TGFBR3: variants seen among roughly 807,000 people sequenced by gnomAD.
TGFBR3 encodes transforming growth factor beta receptor type 3.
Under a neutral mutation model 87.9 loss-of-function variants are expected in TGFBR3, and 46 were observed. That is an observed-to-expected ratio of 0.52 (90% CI 0.41 to 0.67). The LOEUF (loss-of-function observed/expected upper bound fraction) is 0.67. TGFBR3 is among the 30% of genes least tolerant of loss of function. The pLI is 0.00. For synonymous variants in TGFBR3, 381 were observed against 391.6 expected (o/e 0.97, Z 0.32); for missense variants, 866 against 1,041.9 (o/e 0.83, Z 2.32).
chr1:91,697,091 C>T (rs767225917), intron 15 of TGFBR3, among the ~76,000 whole-genome samples: 10 of 152,114 alleles, frequency 6.6e-5, no homozygotes, highest in African/African-American at 1.9e-4. Flanking sequence ...GAAGTTGAAC[C>T]GAGCCATCAA....
At chr1:91,731,873 A>G (rs2100816464) in intron 5 of TGFBR3, among the ~76,000 whole-genome samples, 1 of 152,336 alleles carries the variant, frequency 6.6e-6, no homozygotes, top group Non-Finnish European at 1.5e-5. Context: ...TCAAAAGTTG[A>G]TGTTATTAAG....
chr1:91,739,638 G>A (rs924225172), intron 4 of TGFBR3, among the ~76,000 whole-genome samples: 2 of 152,006 alleles, frequency 1.3e-5, no homozygotes, highest in African/African-American at 2.4e-5. Context: ...ACTACCAAGG[G>A]ACCTCACAGA....
At chr1:91,870,681 A>G (rs1678548355) in intron 1 of TGFBR3, among the ~76,000 whole-genome samples, 1 of 152,170 alleles carries the variant, frequency 6.6e-6, no homozygotes, top group African/African-American at 2.4e-5. Context: ...TCCATTTTGT[A>G]GTGAGAAAGG....
chr1:91,865,126 C>T (rs1389244378), intron 1 of TGFBR3, among the ~76,000 whole-genome samples: 1 of 149,784 alleles, frequency 6.7e-6, no homozygotes, highest in Non-Finnish European at 1.5e-5. Flanking sequence ...TCACTTGAAC[C>T]CAGGAGAGGG....
At chr1:91,768,220 A>AAG (rs1477383205) in intron 3 of TGFBR3, among the ~76,000 whole-genome samples, 10 of 151,862 alleles carry the variant, frequency 6.6e-5, no homozygotes, top group Admixed American at 6.6e-4. Flanking sequence ...CTCAAAAAAA[A>AAG]AAAAAAAATA....
intron 2 of TGFBR3, among the ~76,000 whole-genome samples, chr1:91,802,909 C>T (rs999272375): frequency 6.6e-6 from 1 of 152,108 alleles, no homozygotes; most frequent in African/African-American, 2.4e-5. Flanking sequence ...CTCTCTCTGG[C>T]CACTCAACTC....
intron 1 of TGFBR3, chr1:91,866,950 C>T (rs1198577829): frequency 1.3e-5 from 2 of 152,228 alleles, no homozygotes; most frequent in Non-Finnish European, 2.9e-5. Context: ...AGAGAACAGA[C>T]TGAAGGGAGG....
intron 3 of TGFBR3, among the ~76,000 whole-genome samples, chr1:91,763,334 C>T (rs868599923): frequency 1.3e-5 from 2 of 152,280 alleles, no homozygotes; most frequent in Middle Eastern, 3.4e-3. Flanking sequence ...ATTTTGCTAA[C>T]GTGTCAGTGA....
At chr1:91,717,319 C>T (rs1183454370) in intron 10 of TGFBR3, among the ~76,000 whole-genome samples, 1 of 152,316 alleles carries the variant, frequency 6.6e-6, no homozygotes, top group Non-Finnish European at 1.5e-5. Flanking sequence ...TCTTGTACCC[C>T]TCTAACTTTT....
intron 7 of TGFBR3, among the ~76,000 whole-genome samples, chr1:91,725,628 C>A (rs74098273): frequency 1.4e-3 from 217 of 152,198 alleles, no homozygotes; most frequent in African/African-American, 5.1e-3. Flanking sequence ...AATAAATGAA[C>A]AAACAAATGA....
chr1:91,839,456 A>G (rs1677187381), intron 2 of TGFBR3, among the ~76,000 whole-genome samples: 1 of 152,218 alleles, frequency 6.6e-6, no homozygotes, highest in Non-Finnish European at 1.5e-5. Flanking sequence ...GTAATTTCAA[A>G]GTGAAAAATA....
intron 5 of TGFBR3, among the ~76,000 whole-genome samples, 167 bp downstream of exon 5, chr1:91,734,609 G>A (rs1186806055): frequency 6.6e-6 from 1 of 152,230 alleles, no homozygotes; most frequent in Non-Finnish European, 1.5e-5. Context: ...AAGAAGGGAG[G>A]GAATATGGGG....
At chr1:91,836,431 AC>A (rs1677068917) in intron 2 of TGFBR3, among the ~76,000 whole-genome samples, 1 of 64,278 alleles carries the variant, frequency 1.6e-5, no homozygotes, top group Non-Finnish European at 2.8e-5. Flanking sequence ...AGAGGAGTAC[AC>A]TGTAAAATGT....
intron 3 of TGFBR3, among the ~76,000 whole-genome samples, chr1:91,768,141 G>A (rs1459214633): frequency 6.6e-6 from 1 of 151,858 alleles, no homozygotes; most frequent in Non-Finnish European, 1.5e-5. Flanking sequence ...AAACCCAGGA[G>A]GCGGAAGTTG....
chr1:91,882,005 C>T (rs1377703570), intron 1 of TGFBR3, among the ~76,000 whole-genome samples: 3 of 150,738 alleles, frequency 2.0e-5, no homozygotes, highest in Middle Eastern at 3.4e-3. Flanking sequence ...CTCCACTGCA[C>T]TCCAGCCTGG....
intron 14 of TGFBR3, among the ~76,000 whole-genome samples, chr1:91,702,115 C>T (rs1204840480): frequency 6.6e-6 from 1 of 152,112 alleles, no homozygotes; most frequent in Non-Finnish European, 1.5e-5. Flanking sequence ...CACTGCTTAA[C>T]ATCCTGTAAC....
chr1:91,741,750 C>T (rs919491777), intron 4 of TGFBR3, among the ~76,000 whole-genome samples: 1 of 152,116 alleles, frequency 6.6e-6, no homozygotes, highest in African/African-American at 2.4e-5. Flanking sequence ...CCCCATCTTC[C>T]ACCTTATCCC....
chr1:91,841,793 CAAAAAAAAA>C (rs57953815), intron 2 of TGFBR3, among the ~76,000 whole-genome samples: 3 of 88,822 alleles, frequency 3.4e-5, no homozygotes, highest in Non-Finnish European at 6.5e-5. Context: ...GACTCCATCT[CAAAAAAAAA>C]AAAAAAAAAA....
intron 2 of TGFBR3, among the ~76,000 whole-genome samples, chr1:91,849,910 G>A (rs912586878): frequency 6.6e-5 from 10 of 151,752 alleles, no homozygotes; most frequent in Non-Finnish European, 1.3e-4. Context: ...GTGAAACCCC[G>A]TCTCTGCTAA....
Sources: gnomAD v4.1 joint callset for allele counts (sites outside exome capture counted in the v4.1 genomes callset) on GRCh38, gnomAD v4.1.1 for gene constraint, MANE v1.5 for transcripts, NCBI Gene and HGNC (gene_info 2026-07-23, HGNC 2026-07-21) for gene names.